ZCCHC7: variants seen among roughly 807,000 people sequenced by gnomAD.
The protein encoded by ZCCHC7 is zinc finger CCHC domain-containing protein 7.
In ZCCHC7, 35 loss-of-function variants were observed where a neutral mutation model predicts 52.0. The ratio of observed to expected loss-of-function variants is 0.67; its 90% CI spans 0.51 to 0.89. The LOEUF (loss-of-function observed/expected upper bound fraction) is 0.89. ZCCHC7 is among the 40% of genes least tolerant of loss of function. The pLI, the probability that ZCCHC7 is intolerant of heterozygous loss-of-function variation, is 0.00. For missense variants in ZCCHC7, 574 were observed against 649.1 expected (o/e 0.88, Z 1.26); for synonymous variants, 217 against 221.5 (o/e 0.98, Z 0.18).
chr9:37,283,575 A>G (rs1041140656), intron 2 of ZCCHC7, among the ~76,000 whole-genome samples: 1 of 152,120 alleles, frequency 6.6e-6, no homozygotes, highest in African/African-American at 2.4e-5. Context: ...TCCTATTATG[A>G]CTTTAATAAT....
intron 2 of ZCCHC7, among the ~76,000 whole-genome samples, chr9:37,268,745 C>T (rs766599285): frequency 6.6e-6 from 1 of 152,122 alleles, no homozygotes; most frequent in Non-Finnish European, 1.5e-5. Flanking sequence ...CTACTCTTTC[C>T]GAGGGGCTAA....
At chr9:37,203,696 C>A (rs1217959498) in intron 2 of ZCCHC7, among the ~76,000 whole-genome samples, 1 of 152,116 alleles carries the variant, frequency 6.6e-6, no homozygotes, top group Admixed American at 6.6e-5. Context: ...TTTTCTTTAT[C>A]CAGTCTATCA....
At position 37,126,719 on chromosome 9, in the gene ZCCHC7, TGATAA is replaced by T. The variant is rs1343361476; in HGVS notation, c.390_394del (p.Asp130GlufsTer5). 6.2e-7 allele frequency: 1 copy of T among 1,614,014 alleles called. No individual in the cohort carries two copies. The highest frequency in any genetic ancestry group is 8.5e-7 in the Non-Finnish European group (1 of 1,180,032). ...CTTCTCTTCAATCTAATGAGCTGGT[TGATAA>T]GAAATGCAAGAGTGATATTGAGAAG... On this transcript the variant is annotated frameshift_variant, in exon 2 of 9. Transcript: ENST00000336755. LOFTEE classifies it high-confidence loss of function.
At chr9:37,154,763 G>T (rs74847120) in intron 2 of ZCCHC7, among the ~76,000 whole-genome samples, 7,657 of 152,014 alleles carry the variant, frequency 0.05, 620 homozygotes, top group African/African-American at 0.17. Context: ...CCCAATGCTG[G>T]GATTACAGGT....
chr9:37,221,130 C>G (rs1028391175), intron 2 of ZCCHC7, among the ~76,000 whole-genome samples: 1 of 152,186 alleles, frequency 6.6e-6, no homozygotes, highest in Non-Finnish European at 1.5e-5. Context: ...ACCCTTATTG[C>G]CCTGAGGAAC....
chr9:37,263,333 A>G (rs982058109), intron 2 of ZCCHC7, among the ~76,000 whole-genome samples: 5 of 151,336 alleles, frequency 3.3e-5, no homozygotes, highest in Admixed American at 2.0e-4. Context: ...ATACTCTTAC[A>G]TTTTCTATAT....
At chr9:37,230,935 T>C (rs565638642) in intron 2 of ZCCHC7, among the ~76,000 whole-genome samples, 2 of 152,270 alleles carry the variant, frequency 1.3e-5, no homozygotes, top group East Asian at 3.9e-4. Context: ...TTTTTTGTTT[T>C]GTTTGTTTGT....
Position 37,306,450 on chromosome 9 carries a change from CT to C in ZCCHC7, c.951+743del, listed in dbSNP as rs1397042017. On this transcript the variant is annotated intron_variant, in intron 5 of 8. Coordinates refer to ENST00000336755, the MANE Select transcript of ZCCHC7 (RefSeq NM_032226.3). The stretch of plus-strand genomic sequence containing the variant: ...TTAATGGAAGCCTATTTTGATGCTT[CT>C]TTTTTTATTTTTATTTTATTTATTT... Among the ~76,000 whole-genome samples, 7 of 151,490 alleles carry C rather than the reference CT, an allele frequency of 4.6e-5. No individual in the cohort carries two copies. In the East Asian group the frequency reaches 1.4e-3, roughly 30 times the overall value.
chr9:37,120,642 G>A lies in ZCCHC7; in HGVS notation c.-22+19G>A, dbSNP rs976680541. 7.6e-6 allele frequency: 3 copies of A among 394,722 alleles called. No homozygotes were observed. The highest frequency in any genetic ancestry group is 1.3e-5 in the Non-Finnish European group (3 of 223,352). 24.5% of individuals were successfully genotyped at this position (394,722 alleles called of 1,614,324 possible). On this transcript the variant is annotated intron_variant, in intron 1 of 8. Coordinates refer to ENST00000336755, the MANE Select transcript of ZCCHC7 (RefSeq NM_032226.3). The stretch of plus-strand genomic sequence containing the variant: ...TGCGGCAGTGAGTATGTGTGTGACG[G>A]ACCCCCGCCGCCCGCGGCTCGGGAC...
chr9:37,144,709 G>T (rs539554440), intron 2 of ZCCHC7, among the ~76,000 whole-genome samples: 86 of 151,980 alleles, frequency 5.7e-4, no homozygotes, highest in African/African-American at 2.0e-3. Context: ...TATCATCCAG[G>T]TGTTACTATT....
intron 2 of ZCCHC7, among the ~76,000 whole-genome samples, chr9:37,211,137 A>T (rs1189837490): frequency 6.6e-6 from 1 of 152,224 alleles, no homozygotes; most frequent in Non-Finnish European, 1.5e-5. Context: ...GTAAGCTGGG[A>T]ATTAAGTGTT....
rs1442807497 is a variant in ZCCHC7, at chr9:37,274,345, T to C, written c.611-27843T>C. Among the ~76,000 whole-genome samples the C allele has an allele frequency of 2.2e-5, 3 of 139,520 alleles. No individual in the cohort carries two copies. In the East Asian group the frequency reaches 6.1e-4, roughly 28 times the overall value. 91.5% of individuals were successfully genotyped at this position (139,520 alleles called of 152,430 possible). A position where few individuals can be genotyped will look rare whatever the true frequency, so the allele number is the denominator to read the frequency against. ...ATATCTAATTTCTTTTTTTTTTTTT[T>C]TTTTTTTTTTTTGAGATGGAGTCTT... On this transcript the variant is annotated intron_variant, in intron 2 of 8. Coordinates refer to ENST00000336755, the MANE Select transcript of ZCCHC7 (RefSeq NM_032226.3).
At chr9:37,329,826 C>T (rs767520471) in intron 6 of ZCCHC7, among the ~76,000 whole-genome samples, 2 of 151,954 alleles carry the variant, frequency 1.3e-5, no homozygotes, top group South Asian at 2.1e-4. Flanking sequence ...AGTCAATCAG[C>T]GCAGTGACCA....
At chr9:37,132,689 T>C (rs1842836803) in intron 2 of ZCCHC7, among the ~76,000 whole-genome samples, 1 of 152,144 alleles carries the variant, frequency 6.6e-6, no homozygotes, top group African/African-American at 2.4e-5. Flanking sequence ...GTCCCTGATA[T>C]AAAATTGTGG....
At chr9:37,254,812 T>C (rs1826496246) in intron 2 of ZCCHC7, among the ~76,000 whole-genome samples, 1 of 149,754 alleles carries the variant, frequency 6.7e-6, no homozygotes, top group Non-Finnish European at 1.5e-5. Flanking sequence ...TTCCTTTGAG[T>C]GCCATGTTAA....
At chr9:37,297,158 A>G (rs1338428329) in intron 2 of ZCCHC7, among the ~76,000 whole-genome samples, 2 of 152,210 alleles carry the variant, frequency 1.3e-5, no homozygotes, top group African/African-American at 4.8e-5. Flanking sequence ...TTCCCAAATA[A>G]TATATACTTT....
At chr9:37,201,015 C>T (rs1823601610) in intron 2 of ZCCHC7, among the ~76,000 whole-genome samples, 1 of 152,196 alleles carries the variant, frequency 6.6e-6, no homozygotes, top group African/African-American at 2.4e-5. Context: ...TGGGTAGAAA[C>T]TCTCCTGTGT....
chr9:37,355,153 T>G (rs745372341), intron 8 of ZCCHC7, among the ~76,000 whole-genome samples: 4 of 152,218 alleles, frequency 2.6e-5, no homozygotes, highest in Non-Finnish European at 5.9e-5. Context: ...TTTTTTCCAT[T>G]TGTATTTCTC....
At chr9:37,169,446 T>C (rs1821609864) in intron 2 of ZCCHC7, among the ~76,000 whole-genome samples, 1 of 149,492 alleles carries the variant, frequency 6.7e-6, no homozygotes, top group Non-Finnish European at 1.5e-5. Context: ...CTTTGTGAGA[T>C]TTTTTTTTCT....
Sources: allele counts gnomAD v4.1 joint callset (sites outside exome capture counted in the v4.1 genomes callset), GRCh38; gene constraint gnomAD v4.1.1; transcripts MANE v1.5; gene names NCBI Gene and HGNC (gene_info 2026-07-23, HGNC 2026-07-21).